The following GHR variants were observed in gnomAD, a reference collection of about 807,000 sequenced individuals.
GHR encodes the protein GH receptor.
A neutral mutation model predicts 67.1 loss-of-function variants in GHR; 35 were observed. That is an observed-to-expected ratio of 0.52 (90% CI 0.40 to 0.69). GHR has a LOEUF of 0.69. GHR is among the 30% of genes least tolerant of loss of function. The pLI, the probability that GHR is intolerant of heterozygous loss-of-function variation, is 0.00. For synonymous variants in GHR, 272 were observed against 269.1 expected (o/e 1.01, Z -0.10); for missense variants, 792 against 764.6 (o/e 1.04, Z -0.42).
intron 2 of GHR, among the ~76,000 whole-genome samples, chr5:42,576,089 TAAAATAAAATAAATA>T (rs1750678261): frequency 1.3e-5 from 1 of 79,774 alleles, no homozygotes; most frequent in East Asian, 2.4e-4. Context: ...TAAAATAAAA[TAAAATAAAATAAATA>T]AAATAAAATA....
chr5:42,537,429 G>T (rs1170889100), intron 1 of GHR, among the ~76,000 whole-genome samples: 1 of 152,112 alleles, frequency 6.6e-6, no homozygotes, highest in Non-Finnish European at 1.5e-5. Context: ...TACTCATTCA[G>T]GAGTAACTTA....
intron 3 of GHR, among the ~76,000 whole-genome samples, chr5:42,661,669 A>T: frequency 6.6e-6 from 1 of 151,470 alleles, no homozygotes; most frequent in Admixed American, 6.6e-5. Flanking sequence ...TGTAAAGACC[A>T]TCAAGGCTAG....
chr5:42,486,397 A>C (rs545707154), intron 1 of GHR, among the ~76,000 whole-genome samples: 5 of 152,298 alleles, frequency 3.3e-5, no homozygotes, highest in Admixed American at 3.3e-4. Context: ...TTTACTAATA[A>C]AACTGTTCCT....
chr5:42,573,539 GA>G (rs1750455719), intron 2 of GHR, among the ~76,000 whole-genome samples: 1 of 151,460 alleles, frequency 6.6e-6, no homozygotes, highest in Admixed American at 6.6e-5. Context: ...CCATCCCCCT[GA>G]CACCACCTTT....
intron 3 of GHR, among the ~76,000 whole-genome samples, chr5:42,665,823 T>C (rs1307827592): frequency 2.6e-5 from 4 of 152,032 alleles, no homozygotes; most frequent in African/African-American, 9.7e-5. Context: ...CTCACAGTCA[T>C]GGTAGAGGGT....
chr5:42,452,215 C>T (rs1001759777), intron 1 of GHR, among the ~76,000 whole-genome samples: 2 of 152,144 alleles, frequency 1.3e-5, no homozygotes, highest in Non-Finnish European at 2.9e-5. Context: ...TTTAAGGGGG[C>T]TAAAGATAGG....
At chr5:42,564,683 G>A (rs570690509) in intron 1 of GHR, among the ~76,000 whole-genome samples, 2 of 152,212 alleles carry the variant, frequency 1.3e-5, no homozygotes, top group South Asian at 4.2e-4. Flanking sequence ...AGCCATTGCC[G>A]GGGGCCACAT....
At chr5:42,558,500 C>A (rs894929085) in intron 1 of GHR, among the ~76,000 whole-genome samples, 4 of 152,176 alleles carry the variant, frequency 2.6e-5, no homozygotes, top group African/African-American at 9.7e-5. Flanking sequence ...TATAGTCATG[C>A]ACCACGTAAT....
chr5:42,579,158 A>AGAT (rs1491461801), intron 2 of GHR, among the ~76,000 whole-genome samples: 1 of 85,884 alleles, frequency 1.2e-5, no homozygotes, highest in Admixed American at 1.0e-4. Flanking sequence ...AGATATAGAT[A>AGAT]GATAGATAGA....
At chr5:42,650,018 C>T (rs1204446598) in intron 3 of GHR, among the ~76,000 whole-genome samples, 4 of 152,060 alleles carry the variant, frequency 2.6e-5, no homozygotes, top group Non-Finnish European at 4.4e-5. Context: ...TAACCTTCAA[C>T]CTTCTAGTGA....
In GHR at chr5:42,629,135, T is replaced by A. The variant is rs1753837748; in HGVS notation, c.136+32T>A. On this transcript the variant is annotated intron_variant, in intron 3 of 9. Transcript: ENST00000230882. ...ATTTCAGTCCTTTTTCTTCCTTCAATGATATTTTCCATGTTTTAGTGTAAT... is the reference window on the plus strand; with the variant it reads ...ATTTCAGTCCTTTTTCTTCCTTCAAAGATATTTTCCATGTTTTAGTGTAAT... 5 of 1,085,118 alleles carry A rather than the reference T, an allele frequency of 4.6e-6. 2 individuals carry two copies. Among genetic ancestry groups the A allele is most frequent in the Non-Finnish European group, 6.9e-6 (5 of 728,626 alleles). The allele number at this position is 1,085,118 out of a possible 1,614,324, so 67.2% of individuals were successfully genotyped here.
chr5:42,652,630 T>C (rs1755065428), intron 3 of GHR, among the ~76,000 whole-genome samples: 1 of 152,178 alleles, frequency 6.6e-6, no homozygotes, highest in South Asian at 2.1e-4. Flanking sequence ...CACTTGAAAA[T>C]ATTATCAAGA....
chr5:42,455,561 T>G (rs1041463517), intron 1 of GHR, among the ~76,000 whole-genome samples: 3 of 152,232 alleles, frequency 2.0e-5, no homozygotes, highest in Non-Finnish European at 2.9e-5. Flanking sequence ...TATATGGAAA[T>G]AATTCCCAAT....
intron 3 of GHR, among the ~76,000 whole-genome samples, chr5:42,662,266 C>T (rs1477700964): frequency 6.6e-6 from 1 of 152,202 alleles, no homozygotes; most frequent in Non-Finnish European, 1.5e-5. Flanking sequence ...TAATAGACAT[C>T]TACAGAACTC....
rs985851575 is a variant in GHR at position 42,689,112 on chromosome 5, G to T, written c.266+93G>T. 3.6e-6 allele frequency: 4 copies of T among 1,117,356 alleles called. No homozygotes were observed. The Admixed American group carries it at 6.8e-5, about 19-fold the overall frequency. The allele number at this position is 1,117,356 out of a possible 1,614,324, so 69.2% of individuals were successfully genotyped here. On this transcript the variant is annotated intron_variant, in intron 4 of 9. Transcript: ENST00000230882. ...TGTACTGTGGGAATGGAAGTGATTTGTTGTGATTTATGCAATCAATGAATA... is the reference window on the plus strand; with the variant it reads ...TGTACTGTGGGAATGGAAGTGATTTTTTGTGATTTATGCAATCAATGAATA...
intron 3 of GHR, among the ~76,000 whole-genome samples, chr5:42,676,247 T>A (rs1367293355): frequency 1.3e-5 from 2 of 152,042 alleles, no homozygotes; most frequent in African/African-American, 4.8e-5. Flanking sequence ...ATCTCACCAC[T>A]GCACTCCAAC....
At chr5:42,504,940 C>G in intron 1 of GHR, among the ~76,000 whole-genome samples, 1 of 152,144 alleles carries the variant, frequency 6.6e-6, no homozygotes. Flanking sequence ...CATCAGCTAG[C>G]CCTATTAGCC....
At chr5:42,657,849 G>A (rs1755338922) in intron 3 of GHR, among the ~76,000 whole-genome samples, 1 of 152,082 alleles carries the variant, frequency 6.6e-6, no homozygotes, top group African/African-American at 2.4e-5. Flanking sequence ...TCAAACTCCT[G>A]AGCTCAAGTG....
At chr5:42,665,798 C>A (rs1293447710) in intron 3 of GHR, among the ~76,000 whole-genome samples, 1 of 152,046 alleles carries the variant, frequency 6.6e-6, no homozygotes, top group Non-Finnish European at 1.5e-5. Flanking sequence ...CACAGTTCCA[C>A]ATGGCTGGTG....
Sources: gnomAD v4.1 joint callset for allele counts (sites outside exome capture counted in the v4.1 genomes callset) on GRCh38, gnomAD v4.1.1 for gene constraint, MANE v1.5 for transcripts, NCBI Gene and HGNC (gene_info 2026-07-23, HGNC 2026-07-21) for gene names.